PCDHGA10: variants seen among roughly 807,000 people sequenced by gnomAD.
PCDHGA10 encodes protocadherin gamma subfamily A, 10, also known as protocadherin gamma-A10.
A neutral mutation model predicts 59.5 loss-of-function variants in PCDHGA10; 42 were observed. The observed-to-expected ratio is 0.71, with a 90% CI of 0.55 to 0.91. The LOEUF is 0.91. Ranked by LOEUF, PCDHGA10 falls within the 40% of genes least tolerant of loss-of-function variation. The pLI, the probability that PCDHGA10 is intolerant of heterozygous loss-of-function variation, is 0.00. For synonymous variants in PCDHGA10, 511 were observed against 517.2 expected, an observed-to-expected ratio of 0.99 and a Z score of 0.16; for missense variants, 1,111 against 1,198.2, an observed-to-expected ratio of 0.93 and a Z score of 1.07.
rs1562144438 is a variant in PCDHGA10, at chr5:141,491,135, G to T, written c.2437-3672G>T. The T allele has an allele frequency of 6.2e-7, 1 of 1,613,986 alleles. No individual in the cohort carries two copies. Among genetic ancestry groups the T allele is most frequent in the Non-Finnish European group, 8.5e-7 (1 of 1,180,000 alleles). On this transcript the variant is annotated intron_variant, in intron 1 of 3. Transcript: ENST00000398610. This position sits in a 1 kb window ranked among gnomAD's most constrained non-coding sequence, Gnocchi z 6.9. ...CACACTGGTGAGGTGCGCACAGCCC[G>T]GGCCTTACTGGAGGATGACTCTGAC...
chr5:141,480,381 C>T (rs1018981416), intron 1 of PCDHGA10, among the ~76,000 whole-genome samples: 2 of 151,926 alleles, frequency 1.3e-5, no homozygotes, highest in Non-Finnish European at 2.9e-5. Context: ...CACCACTACA[C>T]TTCAACCATG....
chr5:141,494,491 T>C (rs2099754727), intron 1 of PCDHGA10, among the ~76,000 whole-genome samples: 1 of 152,150 alleles, frequency 6.6e-6, no homozygotes, highest in Admixed American at 6.5e-5. Context: ...AGAAGATGCC[T>C]TCAGTCCTTG....
intron 1 of PCDHGA10, among the ~76,000 whole-genome samples, chr5:141,460,961 A>ATATG (rs1463306338): frequency 3.5e-5 from 5 of 144,556 alleles, no homozygotes; most frequent in African/African-American, 1.3e-4. Flanking sequence ...GTATATATAT[A>ATATG]TGTGTGTGTG....
In PCDHGA10 at chr5:141,432,847, G is replaced by A. The variant is rs768265171; in HGVS notation, c.2436+17236G>A. On this transcript the variant is annotated intron_variant, in intron 1 of 3. Transcript: ENST00000398610. The surrounding 1 kb of genome is among the most constrained non-coding windows in gnomAD (Gnocchi z 6.0). Reference sequence around the variant, plus strand: ...ACCTCACTCTGTACCTGGTGGTAGCGGTGGCCGCGGTCTCCTGCGTCTTCC... The same window carrying A: ...ACCTCACTCTGTACCTGGTGGTAGCAGTGGCCGCGGTCTCCTGCGTCTTCC... 5.0e-6 allele frequency: 8 copies of A among 1,614,180 alleles called. No homozygotes were observed. The highest frequency in any genetic ancestry group is 6.8e-6 in the Non-Finnish European group (8 of 1,179,994).
intron 1 of PCDHGA10, chr5:141,417,540 A>G (rs1301087527): frequency 2.0e-5 from 6 of 301,520 alleles, no homozygotes; most frequent in Non-Finnish European, 3.6e-5. Context: ...TTTAAAAAAA[A>G]TTCCTTGAAA....
intron 1 of PCDHGA10, chr5:141,422,879 T>A: frequency 6.2e-7 from 1 of 1,614,240 alleles, no homozygotes; most frequent in Non-Finnish European, 8.5e-7. Context: ...TCGCTGAGCC[T>A]GTTCGTGCTG....
At chr5:141,481,779 C>T (rs1367771159) in intron 1 of PCDHGA10, among the ~76,000 whole-genome samples, 2 of 152,092 alleles carry the variant, frequency 1.3e-5, no homozygotes, top group Non-Finnish European at 2.9e-5. Flanking sequence ...TGGTGAAACC[C>T]CGTCTCTACT....
At chr5:141,488,872 T>C (rs773185475) in intron 1 of PCDHGA10, among the ~76,000 whole-genome samples, 4 of 151,794 alleles carry the variant, frequency 2.6e-5, no homozygotes, top group Non-Finnish European at 5.9e-5. Flanking sequence ...AGTGGGGAGG[T>C]AGGAAGCTTC....
In PCDHGA10 at chr5:141,428,115, G is replaced by T. The variant is rs753384738; in HGVS notation, c.2436+12504G>T. 5 of 1,607,062 alleles carry T rather than the reference G, an allele frequency of 3.1e-6. No homozygotes were observed. In the South Asian group the frequency reaches 5.5e-5, roughly 18 times the overall value. On this transcript the variant is annotated intron_variant, in intron 1 of 3. Coordinates refer to ENST00000398610, the MANE Select transcript of PCDHGA10 (RefSeq NM_018913.3). ...GTCCTACCACGTGCTGCAGGCCATC[G>T]AGCCCGGGCTTTTCAGCCTGGGGCT...
intron 1 of PCDHGA10, chr5:141,492,003 T>G: frequency 1.6e-6 from 1 of 626,972 alleles, no homozygotes; most frequent in Non-Finnish European, 2.6e-6. Context: ...TCGGGCGATT[T>G]CCGCGGGTGT....
At chr5:141,428,004 G>A in intron 1 of PCDHGA10, 1 of 1,601,732 alleles carries the variant, frequency 6.2e-7, no homozygotes, top group Non-Finnish European at 8.5e-7. Flanking sequence ...CGCACTCTTC[G>A]ATATAGTGCC....
At chr5:141,474,156 A>C (rs1387216017) in intron 1 of PCDHGA10, among the ~76,000 whole-genome samples, 1 of 152,244 alleles carries the variant, frequency 6.6e-6, no homozygotes, top group East Asian at 1.9e-4. Flanking sequence ...CAAGAAAATG[A>C]CAGGCCTTAT....
In PCDHGA10 at chr5:141,511,502, A is replaced by G. The variant is rs953158220; in HGVS notation, c.*329A>G. ...CTGAACTCCTCCATCTTCCAAATCAATCAGGCCCATCCATCCCATGCCTCC... is the reference window on the plus strand; with the variant it reads ...CTGAACTCCTCCATCTTCCAAATCAGTCAGGCCCATCCATCCCATGCCTCC... On this transcript the variant is annotated 3_prime_UTR_variant, in exon 4 of 4. Transcript: ENST00000398610. The G allele has an allele frequency of 1.3e-5, 5 of 395,150 alleles. No homozygotes were observed. Among genetic ancestry groups the G allele is most frequent in the African/African-American group, 1.0e-4 (5 of 48,770 alleles). The allele number at this position is 395,150 out of a possible 1,614,324, so 24.5% of individuals were successfully genotyped here.
In PCDHGA10 at chr5:141,485,632, G is replaced by A. The variant is rs1335265010; in HGVS notation, c.2437-9175G>A. On this transcript the variant is annotated intron_variant, in intron 1 of 3. Transcript: ENST00000398610. This position sits in a 1 kb window ranked among gnomAD's most constrained non-coding sequence, Gnocchi z 5.7. ...CAGCTCCTCCAGGACAGCGTTTCCCGTTGGAAAAGGCTCAGGATGCAGATG... is the reference window on the plus strand; with the variant it reads ...CAGCTCCTCCAGGACAGCGTTTCCCATTGGAAAAGGCTCAGGATGCAGATG... 1.2e-6 allele frequency: 2 copies of A among 1,611,766 alleles called. No homozygotes were observed. The highest frequency in any genetic ancestry group is 1.7e-6 in the Non-Finnish European group (2 of 1,178,342).
At chr5:141,420,412 T>A in intron 1 of PCDHGA10, 1 of 1,225,004 alleles carries the variant, frequency 8.2e-7, no homozygotes, top group Non-Finnish European at 1.1e-6. Flanking sequence ...TGGTTATCAT[T>A]ATTAAAACAA....
intron 2 of PCDHGA10, 37 bp downstream of exon 2, chr5:141,494,902 C>T (rs2099757367): frequency 1.9e-6 from 3 of 1,614,024 alleles, no homozygotes; most frequent in Non-Finnish European, 2.5e-6. Flanking sequence ...CTCTTCTCTG[C>T]GGCATTTTCT....
At chr5:141,442,029 A>C in intron 1 of PCDHGA10, 1 of 210,292 alleles carries the variant, frequency 4.8e-6, no homozygotes, top group Non-Finnish European at 9.8e-6. Context: ...CAGGAAAGCG[A>C]CTCGCCAGCG....
intron 1 of PCDHGA10, chr5:141,420,464 C>A: frequency 1.2e-6 from 1 of 801,488 alleles, no homozygotes; most frequent in South Asian, 4.0e-5. Flanking sequence ...TATTCAAAGA[C>A]ATTTTAAAGC....
rs561908431 is a variant in PCDHGA10, at chr5:141,510,639, TATC to T, written c.2585-304_2585-302del. Among the ~76,000 whole-genome samples the T allele has an allele frequency of 8.5e-3, 1,289 of 152,298 alleles. 6 individuals carry two copies. Among genetic ancestry groups the T allele is most frequent in the Middle Eastern group, 0.058 (17 of 294 alleles). On this transcript the variant is annotated intron_variant, in intron 3 of 3. Transcript: ENST00000398610. ...TAAAACCAGAAGAGGTGGTTACCAT[TATC>T]ATCCCCATTTTGCAGATGAGAAAAC...
Sources: allele counts gnomAD v4.1 joint callset (sites outside exome capture counted in the v4.1 genomes callset), GRCh38; gene constraint gnomAD v4.1.1; non-coding constraint Gnocchi (gnomAD v3.1); transcripts MANE v1.5; gene names NCBI Gene and HGNC (gene_info 2026-07-23, HGNC 2026-07-21).